The following KDM4B variants were observed in gnomAD, a reference collection of about 807,000 sequenced individuals.
KDM4B encodes the protein lysine demethylase 4B, also known as lysine-specific demethylase 4B.
Under a neutral mutation model 125.2 loss-of-function variants are expected in KDM4B, and 32 were observed. The observed-to-expected ratio is 0.26, with a 90% CI of 0.19 to 0.34. The LOEUF (loss-of-function observed/expected upper bound fraction) is 0.34. Ranked by LOEUF, KDM4B falls within the 10% of genes least tolerant of loss-of-function variation. KDM4B has a pLI of 1.00. For missense variants in KDM4B, 1,190 were observed against 1,577.7 expected, an observed-to-expected ratio of 0.75 and a Z score of 4.16; for synonymous variants, 721 against 677.9, an observed-to-expected ratio of 1.06 and a Z score of -0.99.
chr19:5,123,921 G>C (rs74172689), intron 11 of KDM4B, among the ~76,000 whole-genome samples: 2,170 of 151,942 alleles, frequency 0.014, 31 homozygotes, highest in Middle Eastern at 0.021. Context: ...GTGGGATGTC[G>C]CTGGAGGGAC....
chr19:5,034,289 T>C (rs976736181), intron 3 of KDM4B, among the ~76,000 whole-genome samples: 2 of 152,218 alleles, frequency 1.3e-5, no homozygotes, highest in Non-Finnish European at 2.9e-5. Context: ...TTTGGGTTCT[T>C]CCAGTTGCCT....
chr19:5,049,182 G>A (rs568807662), intron 6 of KDM4B, among the ~76,000 whole-genome samples: 2 of 152,234 alleles, frequency 1.3e-5, no homozygotes, highest in Admixed American at 6.5e-5. Context: ...ACAGGCCGTC[G>A]GAGGGACTGA....
At chr19:5,145,573 G>A (rs1401082227) in intron 21 of KDM4B, among the ~76,000 whole-genome samples, 2 of 152,124 alleles carry the variant, frequency 1.3e-5, no homozygotes, top group African/African-American at 4.8e-5. Flanking sequence ...GGGTGACAGA[G>A]CGAGACTCAG....
chr19:5,021,785 C>T (rs1382330494), intron 2 of KDM4B, among the ~76,000 whole-genome samples: 1 of 151,956 alleles, frequency 6.6e-6, no homozygotes, highest in Non-Finnish European at 1.5e-5. Context: ...AGGAGCGTGC[C>T]ACCATGCCCG....
chr19:5,072,071 C>T (rs558095600), intron 7 of KDM4B, among the ~76,000 whole-genome samples: 1 of 152,324 alleles, frequency 6.6e-6, no homozygotes, highest in South Asian at 2.1e-4. Flanking sequence ...GCGACAGCCA[C>T]AGCTTTTCCA....
In KDM4B at chr19:5,122,822, GCTC is replaced by G. The variant is rs373302642; in HGVS notation, c.1315+2974_1315+2976del. 1.6e-3 allele frequency among the ~76,000 whole-genome samples: 241 copies of G among 152,376 alleles called. 1 individual carries two copies. The highest frequency in any genetic ancestry group is 5.6e-3 in the African/African-American group (234 of 41,596). On this transcript the variant is annotated intron_variant, in intron 11 of 22. Transcript: ENST00000159111. ...AAGCGCTGCAGACACGCTGCTGTGT[GCTC>G]CTCGGACCACCAGAGGTGGAAACAC...
chr19:5,131,120 C>G lies in KDM4B; in HGVS notation c.1360C>G (p.Arg454Gly). 6.6e-7 allele frequency: 1 copy of G among 1,526,390 alleles called. No homozygotes were observed. Among genetic ancestry groups the G allele is most frequent in the Non-Finnish European group, 8.8e-7 (1 of 1,136,328 alleles). 94.6% of individuals were successfully genotyped at this position (1,526,390 alleles called of 1,614,324 possible). Reference sequence around the variant, plus strand: ...GCGGCCAACCAAGGCCAAGAGCGAGCGGAAGAAGAAGAGCTTCGGCCTGCT... The same window carrying G: ...GCGGCCAACCAAGGCCAAGAGCGAGGGGAAGAAGAAGAGCTTCGGCCTGCT... ...KLRPTKAKSE[R>G]KKKSFGLLPP... Residue 454 changes from arginine (R) to glycine (G), a missense_variant, in exon 12 of 23, where the codon CGG becomes GGG. Coordinates refer to ENST00000159111, the MANE Select transcript of KDM4B (RefSeq NM_015015.3).
rs1264412976 is a variant in KDM4B, at chr19:5,082,114, G to T, written c.781-253G>T. On this transcript the variant is annotated intron_variant, in intron 8 of 22. Coordinates refer to ENST00000159111, the MANE Select transcript of KDM4B (RefSeq NM_015015.3). The surrounding 1 kb of genome is among the most constrained non-coding windows in gnomAD (Gnocchi z 5.4). The stretch of plus-strand genomic sequence containing the variant: ...TTGGGGCAGGGCAGGGGCTGCTGGG[G>T]CTGGAGGGGCCCGGCTGAGCCGAGT... Among the ~76,000 whole-genome samples the T allele has an allele frequency of 2.6e-5, 4 of 152,364 alleles. No homozygotes were observed. Among genetic ancestry groups the T allele is most frequent in the African/African-American group, 7.2e-5 (3 of 41,586 alleles).
At chr19:5,037,926 G>A (rs1457084821) in intron 3 of KDM4B, among the ~76,000 whole-genome samples, 1 of 152,402 alleles carries the variant, frequency 6.6e-6, no homozygotes, top group South Asian at 2.1e-4. Context: ...TCGTTAACAG[G>A]CACCTGGAGG....
chr19:5,044,583 C>T (rs1164994093), intron 5 of KDM4B, among the ~76,000 whole-genome samples: 4 of 152,220 alleles, frequency 2.6e-5, no homozygotes, highest in Non-Finnish European at 5.9e-5. Context: ...GAGTCTTGCT[C>T]TGTCACCTAG....
chr19:5,082,384 G>A lies in KDM4B; in HGVS notation c.798G>A (p.Gly266=), dbSNP rs762254909. 6.2e-7 allele frequency: 1 copy of A among 1,613,756 alleles called. No individual in the cohort carries two copies. Among genetic ancestry groups the A allele is most frequent in the South Asian group, 1.1e-5 (1 of 91,080 alleles). ...CTCTGCAGATCACGCAGGAGGCCGG[G>A]GAATTCATGATCACATTTCCCTACG... The part of the protein sequence containing the change: ...IPFSRITQEA[G]EFMITFPYGY... Residue 266 remains glycine (G), a synonymous_variant, in exon 9 of 23, where the codon GGG becomes GGA. Transcript: ENST00000159111. This position sits in a 1 kb window ranked among gnomAD's most constrained non-coding sequence, Gnocchi z 5.4.
intron 1 of KDM4B, among the ~76,000 whole-genome samples, chr19:5,006,846 TG>T (rs976965685): frequency 6.6e-6 from 1 of 151,840 alleles, no homozygotes; most frequent in Non-Finnish European, 1.5e-5. Context: ...TTAGCACCTC[TG>T]GGACTTGGGA....
chr19:5,003,670 A>G (rs980691698), intron 1 of KDM4B, among the ~76,000 whole-genome samples: 1 of 148,782 alleles, frequency 6.7e-6, no homozygotes, highest in Non-Finnish European at 1.5e-5. Flanking sequence ...TTAGCTGGGC[A>G]TGGTGGTGGG....
At position 5,114,870 on chromosome 19, in the gene KDM4B, T is replaced by C. The variant is rs2039224815; in HGVS notation, c.1115+4052T>C. On this transcript the variant is annotated intron_variant, in intron 10 of 22. Coordinates refer to ENST00000159111, the MANE Select transcript of KDM4B (RefSeq NM_015015.3). This position sits in a 1 kb window ranked among gnomAD's most constrained non-coding sequence, Gnocchi z 5.8. Reference sequence around the variant, plus strand: ...CATACAAGCTGCAAAGGACACCTGCTTCCACCTTGGAAATATTAGTGCAGT... The same window carrying C: ...CATACAAGCTGCAAAGGACACCTGCCTCCACCTTGGAAATATTAGTGCAGT... Among the ~76,000 whole-genome samples the C allele has an allele frequency of 6.6e-6, 1 of 152,258 alleles. No homozygotes were observed. The highest frequency in any genetic ancestry group is 2.4e-5 in the African/African-American group (1 of 41,474).
chr19:5,130,479 G>T (rs1263349478), intron 11 of KDM4B, among the ~76,000 whole-genome samples: 3 of 152,192 alleles, frequency 2.0e-5, no homozygotes, highest in Non-Finnish European at 4.4e-5. Flanking sequence ...GCGGAAGGGT[G>T]TCGGGCCCCA....
At chr19:5,149,205 G>T (rs990394554) in intron 21 of KDM4B, among the ~76,000 whole-genome samples, 1 of 152,220 alleles carries the variant, frequency 6.6e-6, no homozygotes, top group South Asian at 2.1e-4. Flanking sequence ...GGGCCCCCCC[G>T]CTGCACACTA....
At position 5,040,254 on chromosome 19, in the gene KDM4B, G is replaced by A. The variant is rs1338335957; in HGVS notation, c.317+243G>A. On this transcript the variant is annotated intron_variant, in intron 4 of 22. Coordinates refer to ENST00000159111, the MANE Select transcript of KDM4B (RefSeq NM_015015.3). ...CAGGGCTTCCCAGTGCATGTCGGGC[G>A]GTGTCCTGGTCCCCGGCCTGGGAGC... Among the ~76,000 whole-genome samples, 4 of 152,082 alleles carry A rather than the reference G, an allele frequency of 2.6e-5. No individual in the cohort carries two copies. The East Asian group carries it at 5.8e-4, about 22-fold the overall frequency.
rs186408280 is a variant in KDM4B at position 5,094,914 on chromosome 19, G to A, written c.918+12410G>A. ...CTGGGCAGCGCAGGTGCAGGTCATCGCCGTCACCACAGACAGTCCTGTCAC... is the reference window on the plus strand; with the variant it reads ...CTGGGCAGCGCAGGTGCAGGTCATCACCGTCACCACAGACAGTCCTGTCAC... On this transcript the variant is annotated intron_variant, in intron 9 of 22. Coordinates refer to ENST00000159111, the MANE Select transcript of KDM4B (RefSeq NM_015015.3). 1.6e-3 allele frequency among the ~76,000 whole-genome samples: 245 copies of A among 152,308 alleles called. 1 individual carries two copies. Among genetic ancestry groups the A allele is most frequent in the Non-Finnish European group, 1.9e-3 (129 of 68,024 alleles).
chr19:5,071,530 C>T (rs2037948305), intron 7 of KDM4B, among the ~76,000 whole-genome samples: 1 of 152,234 alleles, frequency 6.6e-6, no homozygotes, highest in South Asian at 2.1e-4. Flanking sequence ...CTGCTGGGAC[C>T]CAACCTGGAC....
Sources: gnomAD v4.1 joint callset for allele counts (sites outside exome capture counted in the v4.1 genomes callset) on GRCh38, gnomAD v4.1.1 for gene constraint, Gnocchi (gnomAD v3.1) non-coding constraint, MANE v1.5 for transcripts, NCBI Gene and HGNC (gene_info 2026-07-23, HGNC 2026-07-21) for gene names.